CSMD1: variants seen among roughly 807,000 people sequenced by gnomAD.
CSMD1 encodes the protein CUB and Sushi multiple domains 1.
CSMD1 carries 213 observed loss-of-function variants against 417.5 expected under a neutral mutation model. The observed-to-expected ratio is 0.51, with a 90% CI of 0.46 to 0.57. CSMD1 has a LOEUF of 0.57. CSMD1 is among the 20% of genes least tolerant of loss of function. The probability of loss-of-function intolerance (pLI) is 0.00; values close to 1 mark genes in which losing one functional copy is unlikely to be tolerated. For missense variants in CSMD1, 6,923 were observed against 4,529.7 expected, an observed-to-expected ratio of 1.53 and a Z score of -15.17; for synonymous variants, 2,862 against 1,736.8, an observed-to-expected ratio of 1.65 and a Z score of -16.11.
rs554227819 is a variant in CSMD1, at chr8:3,755,233, C to T, written c.819-1191G>A. ...TCTGATACAGGATTGCGTGCTGGCT[C>T]GACTTTGTGCTAGGTGAAGCAACAT... On this transcript the variant is annotated intron_variant, in intron 5 of 69. Coordinates refer to ENST00000635120, the MANE Select transcript of CSMD1 (RefSeq NM_033225.6). Among the ~76,000 whole-genome samples the T allele has an allele frequency of 3.3e-3, 504 of 152,244 alleles. 6 individuals carry two copies. Among genetic ancestry groups the T allele is most frequent in the Middle Eastern group, 3.4e-3 (1 of 294 alleles).
intron 3 of CSMD1, among the ~76,000 whole-genome samples, chr8:4,322,060 T>C (rs193116765): frequency 5.3e-5 from 8 of 152,142 alleles, no homozygotes; most frequent in South Asian, 4.1e-4. Context: ...AATTCACAGA[T>C]ACTTTTCATC....
intron 5 of CSMD1, among the ~76,000 whole-genome samples, chr8:3,980,894 T>C (rs541233773): frequency 6.6e-6 from 1 of 152,294 alleles, no homozygotes; most frequent in South Asian, 2.1e-4. Context: ...GTTTTTATTT[T>C]CAGGCTAAAA....
At chr8:4,126,819 G>A (rs1454527916) in intron 3 of CSMD1, among the ~76,000 whole-genome samples, 2 of 152,268 alleles carry the variant, frequency 1.3e-5, no homozygotes, top group East Asian at 3.9e-4. Context: ...ACCTGGGGTA[G>A]GAGATGTCCA....
intron 12 of CSMD1, among the ~76,000 whole-genome samples, chr8:3,465,362 C>G (rs917580986): frequency 1.3e-5 from 2 of 152,110 alleles, no homozygotes; most frequent in African/African-American, 4.8e-5. Flanking sequence ...GAGTTAGAGA[C>G]AGCACAAATG....
chr8:3,696,156 G>A (rs373325771), intron 7 of CSMD1, among the ~76,000 whole-genome samples: 3 of 152,144 alleles, frequency 2.0e-5, no homozygotes, highest in Non-Finnish European at 2.9e-5. Context: ...CATAATGAAC[G>A]TATCTTCTTC....
intron 49 of CSMD1, among the ~76,000 whole-genome samples, chr8:3,073,603 T>G (rs1004746171): frequency 6.6e-6 from 1 of 152,182 alleles, no homozygotes; most frequent in African/African-American, 2.4e-5. Flanking sequence ...AGAGAGGACT[T>G]TTCTAGGCCA....
At chr8:4,541,432 C>G (rs931340900) in intron 2 of CSMD1, among the ~76,000 whole-genome samples, 5 of 152,154 alleles carry the variant, frequency 3.3e-5, no homozygotes, top group Admixed American at 2.0e-4. Flanking sequence ...AAGTGGGCTC[C>G]ACTTGGATCA....
intron 12 of CSMD1, among the ~76,000 whole-genome samples, chr8:3,446,459 G>A (rs1410035009): frequency 6.6e-6 from 1 of 152,196 alleles, no homozygotes; most frequent in Non-Finnish European, 1.5e-5. Context: ...CTACTTTGTA[G>A]ATAATGAAAC....
At chr8:3,208,522 C>T (rs956174314) in intron 30 of CSMD1, among the ~76,000 whole-genome samples, 1 of 152,180 alleles carries the variant, frequency 6.6e-6, no homozygotes, top group Non-Finnish European at 1.5e-5. Flanking sequence ...ACCTCGGCCT[C>T]CCAAGGTGCT....
At chr8:4,128,544 T>C (rs1032273297) in intron 3 of CSMD1, among the ~76,000 whole-genome samples, 7 of 152,212 alleles carry the variant, frequency 4.6e-5, no homozygotes, top group Admixed American at 4.6e-4. Flanking sequence ...TATTCTATTT[T>C]TACAGATAAC....
intron 3 of CSMD1, among the ~76,000 whole-genome samples, chr8:4,118,754 A>G (rs1244151990): frequency 6.6e-6 from 1 of 152,256 alleles, no homozygotes; most frequent in African/African-American, 2.4e-5. Flanking sequence ...ATATGCCCAA[A>G]GGAATATGAA....
intron 1 of CSMD1, among the ~76,000 whole-genome samples, chr8:4,902,761 T>C (rs145755662): frequency 1.3e-5 from 2 of 152,158 alleles, no homozygotes; most frequent in East Asian, 3.9e-4. Flanking sequence ...CTGGCCTCTG[T>C]AGCTTATCTG....
chr8:4,189,243 C>G (rs1798870612), intron 3 of CSMD1, among the ~76,000 whole-genome samples: 2 of 152,202 alleles, frequency 1.3e-5, no homozygotes, highest in Admixed American at 1.3e-4. Context: ...CAGATCTAAG[C>G]CCACCTTTGC....
At chr8:3,546,135 C>G (rs981428954) in intron 10 of CSMD1, among the ~76,000 whole-genome samples, 7 of 152,102 alleles carry the variant, frequency 4.6e-5, no homozygotes, top group African/African-American at 1.7e-4. Flanking sequence ...GCATAGGTGT[C>G]TCAACTAAGC....
At chr8:4,271,219 G>A (rs564439715) in intron 3 of CSMD1, among the ~76,000 whole-genome samples, 129 of 152,196 alleles carry the variant, frequency 8.5e-4, no homozygotes, top group Non-Finnish European at 1.6e-3. Context: ...TACTTGCAAT[G>A]CGATATACAC....
chr8:4,160,821 G>T (rs772538022), intron 3 of CSMD1, among the ~76,000 whole-genome samples: 2 of 152,166 alleles, frequency 1.3e-5, no homozygotes, highest in Non-Finnish European at 2.9e-5. Context: ...TATCAGAAAA[G>T]AAGAAGAAAA....
chr8:3,752,126 T>C (rs1200680346), intron 6 of CSMD1, among the ~76,000 whole-genome samples: 3 of 152,138 alleles, frequency 2.0e-5, no homozygotes, highest in African/African-American at 7.2e-5. Flanking sequence ...ATCCCACCTT[T>C]ACTCCATTCT....
At chr8:4,615,741 A>G (rs1801438767) in intron 2 of CSMD1, among the ~76,000 whole-genome samples, 1 of 152,196 alleles carries the variant, frequency 6.6e-6, no homozygotes, top group African/African-American at 2.4e-5. Context: ...CCCCAAATAT[A>G]AAAATAAAAT....
intron 5 of CSMD1, among the ~76,000 whole-genome samples, chr8:3,863,406 A>C (rs948697784): frequency 1.3e-5 from 2 of 151,906 alleles, no homozygotes; most frequent in African/African-American, 4.8e-5. Context: ...AAAAAAAAAA[A>C]AAAAAAAAGT....
Sources: gnomAD v4.1 joint callset for allele counts (sites outside exome capture counted in the v4.1 genomes callset) on GRCh38, gnomAD v4.1.1 for gene constraint, MANE v1.5 for transcripts, NCBI Gene and HGNC (gene_info 2026-07-23, HGNC 2026-07-21) for gene names.